The following FXYD6 variants were observed in gnomAD, a reference collection of about 807,000 sequenced individuals.
FXYD6 encodes the protein FXYD domain-containing ion transport regulator 6.
A neutral mutation model predicts 16.7 loss-of-function variants in FXYD6; 7 were observed. That is an observed-to-expected ratio of 0.42 (90% confidence interval 0.24 to 0.79). The LOEUF (loss-of-function observed/expected upper bound fraction) is 0.79, where lower values mean the gene tolerates loss of function less well. Among genes scored for constraint, FXYD6 ranks in the 30% least tolerant of loss-of-function variants. The pLI, the probability that FXYD6 is intolerant of heterozygous loss-of-function variation, is 0.28. For missense variants in FXYD6, 111 were observed against 116.2 expected (o/e 0.95, Z 0.21); for synonymous variants, 49 against 43.0 (o/e 1.14, Z -0.54).
chr11:117,849,658 G>C (rs1591562966), intron 1 of FXYD6, among the ~76,000 whole-genome samples: 1 of 151,842 alleles, frequency 6.6e-6, no homozygotes, highest in African/African-American at 2.4e-5. Context: ...AATCTGATCA[G>C]GTCTGCCTGC....
intron 1 of FXYD6, among the ~76,000 whole-genome samples, chr11:117,868,451 A>C (rs1476641808): frequency 1.3e-5 from 2 of 152,056 alleles, no homozygotes; most frequent in Non-Finnish European, 2.9e-5. Context: ...CATCGAACAA[A>C]TCCCAACAGG....
chr11:117,842,489 T>C (rs1440620306), intron 2 of FXYD6, among the ~76,000 whole-genome samples: 3 of 152,132 alleles, frequency 2.0e-5, no homozygotes, highest in Admixed American at 6.5e-5. Flanking sequence ...TAAAAACTAC[T>C]CCCTGCCGGA....
intron 7 of FXYD6, chr11:117,839,480 ACTAACT>A: frequency 2.4e-6 from 1 of 416,860 alleles, no homozygotes; most frequent in Non-Finnish European, 4.3e-6. Context: ...GGAGCATTTC[ACTAACT>A]CTAATTCTCC....
chr11:117,857,020 G>A (rs565530), intron 1 of FXYD6, among the ~76,000 whole-genome samples: 4 of 151,890 alleles, frequency 2.6e-5, no homozygotes, highest in African/African-American at 9.7e-5. Context: ...CAAAGGGAAG[G>A]GGGGTAGCCT....
intron 1 of FXYD6, among the ~76,000 whole-genome samples, chr11:117,866,529 T>A (rs933663976): frequency 1.3e-5 from 2 of 152,148 alleles, no homozygotes; most frequent in African/African-American, 4.8e-5. Flanking sequence ...TGACTATGAC[T>A]GAGGTTGGGG....
rs1021320905 is a variant in FXYD6 at position 117,872,347 on chromosome 11, C to A, written c.-6+4245G>T. 1.3e-5 allele frequency among the ~76,000 whole-genome samples: 2 copies of A among 152,074 alleles called. No homozygotes were observed. The highest frequency in any genetic ancestry group is 6.5e-5 in the Admixed American group (1 of 15,278). On this transcript the variant is annotated intron_variant, in intron 1 of 7. Transcript: ENST00000526014. The surrounding 1 kb of genome is among the most constrained non-coding windows in gnomAD (Gnocchi z 4.9). ...CCTATGGAGGAAGAAAGTCGCAGGG[C>A]CTCCTGGTAGGATGTGGACATGAGG...
intron 1 of FXYD6, among the ~76,000 whole-genome samples, chr11:117,862,657 C>T (rs894218982): frequency 5.3e-5 from 8 of 152,216 alleles, no homozygotes; most frequent in Non-Finnish European, 5.9e-5. Flanking sequence ...GGAGAAGCCA[C>T]TGCCTCCCAC....
intron 6 of FXYD6, 196 bp from the exon 7 acceptor site, chr11:117,840,026 C>G: frequency 1.4e-6 from 1 of 694,098 alleles, no homozygotes; most frequent in Non-Finnish European, 2.5e-6. Context: ...CTCTCTCAGT[C>G]CCTCGGTTAC....
intron 7 of FXYD6, chr11:117,839,059 G>A (rs1341077335): frequency 6.5e-6 from 1 of 152,950 alleles, no homozygotes; most frequent in Non-Finnish European, 1.5e-5. Flanking sequence ...AGGACAGAGG[G>A]GAGCAGTGGC....
At chr11:117,851,472 G>T (rs1161480900) in intron 1 of FXYD6, among the ~76,000 whole-genome samples, 1 of 152,234 alleles carries the variant, frequency 6.6e-6, no homozygotes, top group Non-Finnish European at 1.5e-5. Context: ...CTTCATGAAA[G>T]ACCTTGAGCC....
At chr11:117,874,672 T>G (rs1486114790) in intron 1 of FXYD6, among the ~76,000 whole-genome samples, 1 of 152,204 alleles carries the variant, frequency 6.6e-6, no homozygotes. Flanking sequence ...GCTGGCCTGA[T>G]CCTCTGCTGG....
At chr11:117,858,758 TTCCTTCCTTCCTTCCTTCC>T (rs1445326434) in intron 1 of FXYD6, among the ~76,000 whole-genome samples, 3 of 138,434 alleles carry the variant, frequency 2.2e-5, no homozygotes, top group Admixed American at 7.4e-5. Flanking sequence ...CCTTCCTTCC[TTCCTTCCTTCCTTCCTTCC>T]TTCTTTCTTT....
chr11:117,856,900 A>G (rs574626064), intron 1 of FXYD6, among the ~76,000 whole-genome samples: 1 of 152,128 alleles, frequency 6.6e-6, no homozygotes, highest in East Asian at 1.9e-4. Flanking sequence ...TGCATTTCCC[A>G]CTCTTGACTG....
intron 1 of FXYD6, among the ~76,000 whole-genome samples, chr11:117,849,779 C>CA (rs1372683355): frequency 6.6e-6 from 1 of 152,048 alleles, no homozygotes; most frequent in Non-Finnish European, 1.5e-5. Context: ...AAGGCCTCGC[C>CA]ACTGCATGCT....
At chr11:117,877,378 G>C (rs550950214), upstream of FXYD6, 6 of 152,222 alleles carry the variant, frequency 3.9e-5, no homozygotes, top group African/African-American at 1.4e-4. Flanking sequence ...GTACCACCCC[G>C]TCCTCAGCCC....
At chr11:117,839,885 C>T (rs2056298535) in intron 6 of FXYD6, 55 bp from the exon 7 acceptor site, 1 of 1,609,868 alleles carries the variant, frequency 6.2e-7, no homozygotes, top group South Asian at 1.1e-5. Context: ...CCCCGTGGGC[C>T]ACCCCCAACA....
intron 1 of FXYD6, among the ~76,000 whole-genome samples, chr11:117,859,999 G>A (rs540017180): frequency 6.6e-6 from 1 of 152,130 alleles, no homozygotes; most frequent in African/African-American, 2.4e-5. Context: ...GTGAGGAGTT[G>A]GGCTCCATGT....
intron 1 of FXYD6, among the ~76,000 whole-genome samples, chr11:117,850,297 T>A (rs2134157311): frequency 6.6e-6 from 1 of 151,480 alleles, no homozygotes; most frequent in Non-Finnish European, 1.5e-5. Flanking sequence ...AGAACAGACC[T>A]GAAGCTGGCC....
chr11:117,848,374 C>A (rs2056523509), intron 1 of FXYD6, among the ~76,000 whole-genome samples: 1 of 150,008 alleles, frequency 6.7e-6, no homozygotes, highest in Non-Finnish European at 1.5e-5. Context: ...TTAAATCATC[C>A]CTGCATTTCT....
Sources: allele counts gnomAD v4.1 joint callset (sites outside exome capture counted in the v4.1 genomes callset), GRCh38; gene constraint gnomAD v4.1.1; non-coding constraint Gnocchi (gnomAD v3.1); transcripts MANE v1.5; gene names NCBI Gene and HGNC (gene_info 2026-07-23, HGNC 2026-07-21).